The following EVA1C variants were observed in gnomAD, a reference collection of about 807,000 sequenced individuals.
The protein encoded by EVA1C is eva-1 homolog C, also known as protein eva-1 homolog C.
In EVA1C, 25 loss-of-function variants were observed where a neutral mutation model predicts 45.4. That is an observed-to-expected ratio of 0.55 (90% CI 0.40 to 0.77). The LOEUF is 0.77. Ranked by LOEUF, EVA1C falls within the 30% of genes least tolerant of loss-of-function variation. The probability of loss-of-function intolerance (pLI) is 0.00; values close to 1 mark genes in which losing one functional copy is unlikely to be tolerated. For synonymous variants in EVA1C, 190 were observed against 221.2 expected (o/e 0.86, Z 1.25); for missense variants, 479 against 554.8 (o/e 0.86, Z 1.37).
intron 1 of EVA1C, among the ~76,000 whole-genome samples, chr21:32,426,194 C>T (rs1568864365): frequency 1.3e-5 from 2 of 152,062 alleles, no homozygotes; most frequent in South Asian, 4.2e-4. Context: ...TGTGTTTGGC[C>T]CTTTTGCCTT....
At chr21:32,503,003 G>A (rs2037608356) in intron 6 of EVA1C, among the ~76,000 whole-genome samples, 1 of 152,198 alleles carries the variant, frequency 6.6e-6, no homozygotes, top group African/African-American at 2.4e-5. Flanking sequence ...GGGCCTGAGA[G>A]CCAACCCTGT....
At chr21:32,459,289 G>T (rs1469469554) in intron 3 of EVA1C, among the ~76,000 whole-genome samples, 2 of 152,112 alleles carry the variant, frequency 1.3e-5, no homozygotes, top group Non-Finnish European at 2.9e-5. Context: ...CAGCCATTCA[G>T]AACCGCCTGA....
intron 1 of EVA1C, among the ~76,000 whole-genome samples, chr21:32,444,428 T>C (rs79218605): frequency 0.15 from 23,419 of 152,034 alleles, 2,065 homozygotes; most frequent in East Asian, 0.25. Context: ...AGAAAAACTT[T>C]AGGGAAGTTC....
At chr21:32,447,417 G>T (rs1241938295) in intron 1 of EVA1C, among the ~76,000 whole-genome samples, 3 of 152,092 alleles carry the variant, frequency 2.0e-5, no homozygotes, top group Non-Finnish European at 2.9e-5. Flanking sequence ...TAAGGGTCAT[G>T]TGCATATGTA....
chr21:32,505,640 T>G (rs182514815), intron 7 of EVA1C, among the ~76,000 whole-genome samples: 135 of 152,316 alleles, frequency 8.9e-4, no homozygotes, highest in African/African-American at 3.1e-3. Flanking sequence ...TTCTCACCGT[T>G]CTGGAGGCCA....
At chr21:32,507,630 G>A (rs1048678278) in intron 7 of EVA1C, among the ~76,000 whole-genome samples, 1 of 151,622 alleles carries the variant, frequency 6.6e-6, no homozygotes, top group Admixed American at 6.6e-5. Context: ...ATGCGTATCT[G>A]TGTGTGCATG....
chr21:32,452,952 T>C lies in EVA1C; in HGVS notation c.161-360T>C, dbSNP rs574003115. 11 of 185,734 alleles carry C rather than the reference T, an allele frequency of 5.9e-5. No homozygotes were observed. The South Asian group carries it at 1.9e-3, about 32-fold the overall frequency. 11.5% of individuals were successfully genotyped at this position (185,734 alleles called of 1,614,324 possible). On this transcript the variant is annotated intron_variant, in intron 1 of 7. Transcript: ENST00000300255. The surrounding 1 kb of genome is among the most constrained non-coding windows in gnomAD (Gnocchi z 4.0). ...TTTTATGGGCACAGGATGGGGGTCA[T>C]GGCAGGCCAGAGTAGTCTTGGAAAA...
chr21:32,444,254 C>A (rs2035288623), intron 1 of EVA1C, among the ~76,000 whole-genome samples: 1 of 152,172 alleles, frequency 6.6e-6, no homozygotes, highest in Non-Finnish European at 1.5e-5. Flanking sequence ...ACACCATCTA[C>A]CTGGAGACAG....
chr21:32,494,505 G>A (rs1004059446), intron 4 of EVA1C, among the ~76,000 whole-genome samples: 13 of 152,206 alleles, frequency 8.5e-5, no homozygotes, highest in African/African-American at 2.6e-4. Context: ...AATTTTGACC[G>A]GGTGCGGTGG....
chr21:32,462,265 G>A (rs2036026468), intron 3 of EVA1C, among the ~76,000 whole-genome samples: 1 of 151,668 alleles, frequency 6.6e-6, no homozygotes, highest in South Asian at 2.1e-4. Flanking sequence ...ATCATGGCAG[G>A]CACCTGCAGT....
At chr21:32,458,426 T>G (rs1386328546) in intron 3 of EVA1C, among the ~76,000 whole-genome samples, 2 of 152,118 alleles carry the variant, frequency 1.3e-5, no homozygotes, top group Non-Finnish European at 2.9e-5. Context: ...TCTTGCACAC[T>G]TTGTTGCAAA....
chr21:32,437,798 G>A (rs1025382376), intron 1 of EVA1C, among the ~76,000 whole-genome samples: 9 of 152,092 alleles, frequency 5.9e-5, no homozygotes, highest in African/African-American at 1.2e-4. Context: ...ATCTCGTGAC[G>A]TACAATAAGC....
At chr21:32,440,796 AT>A (rs1035641115) in intron 1 of EVA1C, among the ~76,000 whole-genome samples, 26 of 152,268 alleles carry the variant, frequency 1.7e-4, no homozygotes, top group African/African-American at 6.0e-4. Context: ...TCACTGTGTC[AT>A]TCATTCAAGA....
chr21:32,426,079 A>G (rs764228896), intron 1 of EVA1C, among the ~76,000 whole-genome samples: 1 of 152,140 alleles, frequency 6.6e-6, no homozygotes, highest in Non-Finnish European at 1.5e-5. Context: ...CCATAAAGCC[A>G]AAGAAATGAA....
chr21:32,438,443 T>A (rs893786174), intron 1 of EVA1C, among the ~76,000 whole-genome samples: 3 of 126,214 alleles, frequency 2.4e-5, no homozygotes, highest in African/African-American at 9.3e-5. Context: ...GTTGCAATCA[T>A]GCCACTGCAC....
intron 1 of EVA1C, among the ~76,000 whole-genome samples, chr21:32,440,074 T>C (rs2035118052): frequency 6.6e-6 from 1 of 152,072 alleles, no homozygotes; most frequent in Non-Finnish European, 1.5e-5. Context: ...CCCTCCTGTC[T>C]GTTTGTCGAG....
At chr21:32,487,270 C>G (rs1294927525) in intron 4 of EVA1C, among the ~76,000 whole-genome samples, 3 of 152,112 alleles carry the variant, frequency 2.0e-5, no homozygotes, top group Admixed American at 6.5e-5. Flanking sequence ...ACACCCACCC[C>G]CTATCTCCCC....
intron 1 of EVA1C, among the ~76,000 whole-genome samples, chr21:32,451,447 CTGGGCCTCAGAGCT>C (rs1160432704): frequency 6.6e-6 from 1 of 152,200 alleles, no homozygotes; most frequent in African/African-American, 2.4e-5. Flanking sequence ...CCTGCGCCTG[CTGGGCCTCAGAGCT>C]TCTCAGAGCC....
intron 1 of EVA1C, among the ~76,000 whole-genome samples, chr21:32,429,779 TCAC>T (rs1324850623): frequency 6.6e-6 from 1 of 152,202 alleles, no homozygotes; most frequent in African/African-American, 2.4e-5. Flanking sequence ...AATAATTTAG[TCAC>T]CACATTAGAA....
Sources: allele counts gnomAD v4.1 joint callset (sites outside exome capture counted in the v4.1 genomes callset), GRCh38; gene constraint gnomAD v4.1.1; non-coding constraint Gnocchi (gnomAD v3.1); transcripts MANE v1.5; gene names NCBI Gene and HGNC (gene_info 2026-07-23, HGNC 2026-07-21).